TSNARE1: variants seen among roughly 807,000 people sequenced by gnomAD.
TSNARE1 encodes the protein t-SNARE domain-containing protein 1.
A neutral mutation model predicts 62.0 loss-of-function variants in TSNARE1; 49 were observed. The observed-to-expected ratio is 0.79, with a 90% CI of 0.63 to 1.00. TSNARE1 has a LOEUF of 1.00. TSNARE1 is among the 50% of genes least tolerant of loss of function. TSNARE1 has a pLI of 0.00. For synonymous variants in TSNARE1, 328 were observed against 294.4 expected (o/e 1.11, Z -1.17); for missense variants, 755 against 700.1 (o/e 1.08, Z -0.88).
chr8:142,403,251 C>G (rs1202012337), upstream of TSNARE1: 1 of 151,518 alleles, frequency 6.6e-6, no homozygotes, highest in Non-Finnish European at 1.5e-5. Context: ...GTCCCGGACG[C>G]GCGCGGGGAC....
At chr8:142,270,019 T>G in intron 12 of TSNARE1, 2 of 985,450 alleles carry the variant, frequency 2.0e-6, no homozygotes. Flanking sequence ...GGGACCAGCA[T>G]GCCTCCCACT....
chr8:142,343,062 C>T (rs762540608), intron 4 of TSNARE1, among the ~76,000 whole-genome samples: 2 of 152,222 alleles, frequency 1.3e-5, no homozygotes, highest in Non-Finnish European at 1.5e-5. Context: ...CCCACGCTGA[C>T]CTCCTGCAGA....
chr8:142,219,818 C>G (rs374415769), intron 13 of TSNARE1, among the ~76,000 whole-genome samples: 1 of 152,234 alleles, frequency 6.6e-6, no homozygotes, highest in Admixed American at 6.5e-5. Context: ...GGCCTCCCAG[C>G]CTCCTTCACC....
intron 6 of TSNARE1, 128 bp downstream of exon 6, chr8:142,330,773 T>C (rs1244222205): frequency 2.3e-6 from 2 of 876,126 alleles, no homozygotes; most frequent in East Asian, 5.1e-5. Context: ...CGCACATGTG[T>C]GTCCAGGCAG....
At chr8:142,318,438 C>T (rs2035197647) in intron 7 of TSNARE1, 106 bp downstream of exon 7, 7 of 1,128,778 alleles carry the variant, frequency 6.2e-6, no homozygotes, top group Middle Eastern at 2.0e-4. Context: ...TCCATCCACA[C>T]ACGTCAGCCT....
At chr8:142,388,032 C>T (rs1019835897) in intron 1 of TSNARE1, among the ~76,000 whole-genome samples, 5 of 152,110 alleles carry the variant, frequency 3.3e-5, no homozygotes, top group Non-Finnish European at 7.4e-5. Flanking sequence ...AGTACATTCA[C>T]CAGCACCTTA....
chr8:142,273,338 G>A (rs1000577418), intron 12 of TSNARE1: 1 of 985,278 alleles, frequency 1.0e-6, no homozygotes, highest in African/African-American at 1.7e-5. Context: ...TGCGTGGTGT[G>A]GCCCTGAGTT....
intron 1 of TSNARE1, among the ~76,000 whole-genome samples, chr8:142,390,797 CCG>C (rs1837454373): frequency 1.6e-5 from 1 of 63,834 alleles, no homozygotes; most frequent in African/African-American, 8.2e-5. Flanking sequence ...GCGGGGGACT[CCG>C]TAACAGACGC....
chr8:142,275,130 C>T, intron 11 of TSNARE1: 6 of 985,408 alleles, frequency 6.1e-6, no homozygotes, highest in Non-Finnish European at 7.2e-6. Context: ...AGGAAGAGTC[C>T]ACTCAGGAAA....
At chr8:142,341,178 G>C (rs1832536565) in intron 4 of TSNARE1, among the ~76,000 whole-genome samples, 1 of 152,194 alleles carries the variant, frequency 6.6e-6, no homozygotes, top group Non-Finnish European at 1.5e-5. Flanking sequence ...CCTGACATTG[G>C]GGAGGGAGTT....
intron 7 of TSNARE1, among the ~76,000 whole-genome samples, chr8:142,317,809 T>C (rs1307441583): frequency 1.3e-5 from 2 of 151,994 alleles, no homozygotes; most frequent in Non-Finnish European, 2.9e-5. Context: ...AACACAAAAA[T>C]TAGCTGGGCA....
chr8:142,232,595 G>A (rs147024898), intron 12 of TSNARE1, among the ~76,000 whole-genome samples: 4 of 152,328 alleles, frequency 2.6e-5, no homozygotes, highest in East Asian at 3.9e-4. Flanking sequence ...GAGCACCTGC[G>A]GAAGAAAGGC....
At position 142,243,547 on chromosome 8, in the gene TSNARE1, A is replaced by T. The variant is rs1387498530; in HGVS notation, c.1447-13968T>A. Among the ~76,000 whole-genome samples the T allele has an allele frequency of 2.0e-5, 3 of 152,066 alleles. No homozygotes were observed. In the East Asian group the frequency reaches 5.8e-4, roughly 29 times the overall value. Reference sequence around the variant, plus strand: ...TCACTTATACGTAAAATCTAAAAAAAACCTGAACTCACAGAAGCAGAGAGG... The same window carrying T: ...TCACTTATACGTAAAATCTAAAAAATACCTGAACTCACAGAAGCAGAGAGG... On this transcript the variant is annotated intron_variant, in intron 12 of 13. Coordinates refer to ENST00000524325, the MANE Select transcript of TSNARE1 (RefSeq NM_145003.5).
intron 1 of TSNARE1, among the ~76,000 whole-genome samples, chr8:142,381,386 G>A (rs1389930153): frequency 6.6e-6 from 1 of 152,184 alleles, no homozygotes; most frequent in Non-Finnish European, 1.5e-5. Flanking sequence ...GCTGCCCAAC[G>A]CACTCCTGTC....
chr8:142,277,317 C>T (rs1227903670), intron 11 of TSNARE1: 1 of 985,300 alleles, frequency 1.0e-6, no homozygotes, highest in Non-Finnish European at 1.2e-6. Context: ...TCCCCAGACA[C>T]TCGCAGAGCA....
At chr8:142,279,580 T>TG (rs1586980785) in intron 11 of TSNARE1, among the ~76,000 whole-genome samples, 1 of 152,288 alleles carries the variant, frequency 6.6e-6, no homozygotes, top group East Asian at 1.9e-4. Flanking sequence ...AGCCCCTTGA[T>TG]GGCACAATGC....
chr8:142,312,926 T>C (rs1827825064), intron 9 of TSNARE1, among the ~76,000 whole-genome samples: 2 of 152,250 alleles, frequency 1.3e-5, no homozygotes, highest in Admixed American at 6.5e-5. Flanking sequence ...TGGGAATGCG[T>C]GCCTCTCTAG....
chr8:142,348,051 T>C (rs1322537103), intron 2 of TSNARE1, among the ~76,000 whole-genome samples: 1 of 152,212 alleles, frequency 6.6e-6, no homozygotes, highest in African/African-American at 2.4e-5. Context: ...GGACATTTGC[T>C]GTTTGCTTTT....
chr8:142,369,685 T>C (rs34954834), intron 1 of TSNARE1, among the ~76,000 whole-genome samples: 29,888 of 151,850 alleles, frequency 0.2, 3,187 homozygotes, highest in East Asian at 0.37. Context: ...AAACACCAGA[T>C]GGAAATGAAG....
Sources: allele counts gnomAD v4.1 joint callset (sites outside exome capture counted in the v4.1 genomes callset), GRCh38; gene constraint gnomAD v4.1.1; transcripts MANE v1.5; gene names NCBI Gene and HGNC (gene_info 2026-07-23, HGNC 2026-07-21).